Variants in CHCHD3 observed in about 807,000 individuals in gnomAD.
CHCHD3 encodes the protein MICOS complex subunit MIC19.
A neutral mutation model predicts 38.2 loss-of-function variants in CHCHD3; 20 were observed. The ratio of observed to expected loss-of-function variants is 0.52; its 90% CI spans 0.37 to 0.76. The LOEUF is 0.76. Among genes scored for constraint, CHCHD3 ranks in the 30% least tolerant of loss-of-function variants. The probability of loss-of-function intolerance (pLI) is 0.00; values close to 1 mark genes in which losing one functional copy is unlikely to be tolerated. For synonymous variants in CHCHD3, 82 were observed against 100.0 expected, an observed-to-expected ratio of 0.82 and a Z score of 1.07; for missense variants, 245 against 279.2, an observed-to-expected ratio of 0.88 and a Z score of 0.87.
chr7:133,006,236 C>CA (rs1259104706), intron 3 of CHCHD3, among the ~76,000 whole-genome samples: 2 of 152,098 alleles, frequency 1.3e-5, no homozygotes, highest in Non-Finnish European at 2.9e-5. Flanking sequence ...AAGGCCAAGG[C>CA]AGGCAGATCA....
At chr7:132,942,465 AACAACT>A (rs1810793438) in intron 4 of CHCHD3, among the ~76,000 whole-genome samples, 1 of 152,202 alleles carries the variant, frequency 6.6e-6, no homozygotes, top group Admixed American at 6.5e-5. Context: ...ATTGTTCTCT[AACAACT>A]ACAAGTTAAG....
intron 3 of CHCHD3, among the ~76,000 whole-genome samples, chr7:132,983,973 T>C (rs1460995985): frequency 1.1e-5 from 1 of 93,362 alleles, no homozygotes; most frequent in East Asian, 3.0e-4. Flanking sequence ...GCTCCTCCTC[T>C]CCCTCTCCCT....
chr7:133,062,419 G>A lies in CHCHD3; in HGVS notation c.169+7723C>T, dbSNP rs569123916. Among the ~76,000 whole-genome samples the A allele has an allele frequency of 1.2e-4, 19 of 152,180 alleles. No homozygotes were observed. In the South Asian group the frequency reaches 2.9e-3, roughly 23 times the overall value. On this transcript the variant is annotated intron_variant, in intron 2 of 7. Coordinates refer to ENST00000262570, the MANE Select transcript of CHCHD3 (RefSeq NM_017812.4). ...TAGTTTTGCTTGACTAACCAATGCC[G>A]TATTTTATTTCACAAATCTTGAAGC...
chr7:133,046,500 G>A (rs1488655730), intron 2 of CHCHD3, among the ~76,000 whole-genome samples: 1 of 152,098 alleles, frequency 6.6e-6, no homozygotes, highest in Non-Finnish European at 1.5e-5. Context: ...TAGTAAGTCA[G>A]TGTATATTAC....
intron 3 of CHCHD3, among the ~76,000 whole-genome samples, chr7:133,016,580 T>C (rs116469476): frequency 1.1e-3 from 173 of 152,332 alleles, no homozygotes; most frequent in African/African-American, 3.8e-3. Context: ...AGGTTATTAT[T>C]TGAACAGGAA....
intron 4 of CHCHD3, among the ~76,000 whole-genome samples, chr7:132,902,184 A>T (rs1392829166): frequency 6.6e-6 from 1 of 152,134 alleles, no homozygotes; most frequent in Non-Finnish European, 1.5e-5. Flanking sequence ...GCTGGAGAGG[A>T]TAGGGAGAAA....
intron 3 of CHCHD3, among the ~76,000 whole-genome samples, chr7:133,019,490 T>C (rs569743331): frequency 9.2e-5 from 14 of 152,278 alleles, no homozygotes; most frequent in Non-Finnish European, 1.3e-4. Flanking sequence ...GACTACACTA[T>C]ACTCTAACAC....
At chr7:132,807,372 T>G (rs10267503) in intron 6 of CHCHD3, among the ~76,000 whole-genome samples, 102,389 of 151,732 alleles carry the variant, frequency 0.67, 35,295 homozygotes, top group East Asian at 0.79. Flanking sequence ...ATATATTTAC[T>G]CATTTACTGA....
chr7:133,062,300 G>T (rs560404119), intron 2 of CHCHD3, among the ~76,000 whole-genome samples: 4 of 152,072 alleles, frequency 2.6e-5, no homozygotes, highest in South Asian at 4.2e-4. Flanking sequence ...TTCCAAGAAA[G>T]GCAAAAATAT....
chr7:132,808,432 CTGTT>C (rs1303143845), intron 6 of CHCHD3, among the ~76,000 whole-genome samples: 9 of 152,182 alleles, frequency 5.9e-5, no homozygotes, highest in African/African-American at 2.2e-4. Context: ...TCCTACGACT[CTGTT>C]TGTGACTGAA....
intron 4 of CHCHD3, among the ~76,000 whole-genome samples, chr7:132,909,170 C>T (rs1193833168): frequency 6.6e-6 from 1 of 152,136 alleles, no homozygotes; most frequent in Non-Finnish European, 1.5e-5. Flanking sequence ...CCCAACCCTG[C>T]AGAACTGTGA....
intron 5 of CHCHD3, among the ~76,000 whole-genome samples, chr7:132,872,067 T>C (rs1808779488): frequency 6.6e-6 from 1 of 152,162 alleles, no homozygotes; most frequent in Non-Finnish European, 1.5e-5. Flanking sequence ...CGAGGAAGGT[T>C]AAAAGTACGG....
intron 6 of CHCHD3, 73 bp from the exon 7 acceptor site, chr7:132,796,650 T>C (rs1251094830): frequency 1.5e-6 from 2 of 1,343,792 alleles, no homozygotes; most frequent in Middle Eastern, 1.9e-4. Context: ...AAAGAACACA[T>C]AAAACGCACA....
At chr7:132,883,319 G>A (rs1158922754) in intron 5 of CHCHD3, among the ~76,000 whole-genome samples, 1 of 152,148 alleles carries the variant, frequency 6.6e-6, no homozygotes, top group Non-Finnish European at 1.5e-5. Context: ...ATGAGTATTA[G>A]CTCATTTAAC....
At chr7:132,948,587 C>T (rs1351928209) in intron 4 of CHCHD3, among the ~76,000 whole-genome samples, 2 of 151,986 alleles carry the variant, frequency 1.3e-5, no homozygotes, top group Non-Finnish European at 2.9e-5. Context: ...ACAACGATAC[C>T]CAAACTCAAG....
intron 5 of CHCHD3, among the ~76,000 whole-genome samples, chr7:132,844,070 C>T (rs1431166235): frequency 2.6e-5 from 4 of 152,200 alleles, no homozygotes; most frequent in South Asian, 2.1e-4. Flanking sequence ...GAAGCTAAGG[C>T]GGGCGGATCA....
chr7:132,952,311 T>C (rs1156976540), intron 4 of CHCHD3, among the ~76,000 whole-genome samples: 2 of 152,234 alleles, frequency 1.3e-5, no homozygotes, highest in African/African-American at 4.8e-5. Context: ...GGGGCATTTA[T>C]ACTCTCTAAT....
chr7:132,963,040 A>G (rs1293248571), intron 4 of CHCHD3, among the ~76,000 whole-genome samples: 1 of 151,838 alleles, frequency 6.6e-6, no homozygotes, highest in Non-Finnish European at 1.5e-5. Context: ...TGATTTTGAC[A>G]ACTATACTTG....
chr7:132,879,360 C>T (rs955246259), intron 5 of CHCHD3, among the ~76,000 whole-genome samples: 1 of 152,126 alleles, frequency 6.6e-6, no homozygotes, highest in Non-Finnish European at 1.5e-5. Flanking sequence ...TTTCCCTCAG[C>T]TCCTCAAGCC....
Sources: allele counts gnomAD v4.1 joint callset (sites outside exome capture counted in the v4.1 genomes callset), GRCh38; gene constraint gnomAD v4.1.1; transcripts MANE v1.5; gene names NCBI Gene and HGNC (gene_info 2026-07-23, HGNC 2026-07-21).